SGCD: variants seen among roughly 807,000 people sequenced by gnomAD.
SGCD encodes the protein delta-sarcoglycan.
Under a neutral mutation model 36.6 loss-of-function variants are expected in SGCD, and 18 were observed. That is an observed-to-expected ratio of 0.49 (90% CI 0.34 to 0.73). SGCD has a LOEUF of 0.73. Ranked by LOEUF, SGCD falls within the 30% of genes least tolerant of loss-of-function variation. The pLI is 0.01. For missense variants in SGCD, 387 were observed against 346.7 expected (o/e 1.12, Z -0.92); for synonymous variants, 133 against 130.6 (o/e 1.02, Z -0.12).
At chr5:156,520,654 C>T (rs556193160) in intron 4 of SGCD, among the ~76,000 whole-genome samples, 1 of 152,242 alleles carries the variant, frequency 6.6e-6, no homozygotes, top group South Asian at 2.1e-4. Flanking sequence ...AGGCTACACT[C>T]ACCAAAACAG....
intron 1 of SGCD, among the ~76,000 whole-genome samples, chr5:155,947,293 T>G (rs1021733021): frequency 2.9e-5 from 4 of 138,910 alleles, no homozygotes; most frequent in Non-Finnish European, 6.2e-5. Flanking sequence ...ATAAATACTC[T>G]TGTGTGTGTG....
chr5:156,433,383 G>A (rs937846309), intron 3 of SGCD, among the ~76,000 whole-genome samples: 1 of 152,032 alleles, frequency 6.6e-6, no homozygotes, highest in Admixed American at 6.6e-5. Context: ...CCATTCTAAC[G>A]GTGATCCAGA....
At chr5:156,647,272 T>C (rs1763263279) in intron 6 of SGCD, among the ~76,000 whole-genome samples, 192 bp from the exon 7 acceptor site, 1 of 152,172 alleles carries the variant, frequency 6.6e-6, no homozygotes, top group Non-Finnish European at 1.5e-5. Context: ...AGAAGTTCCT[T>C]GTTTTTCAAA....
chr5:156,699,924 T>C (rs1754464220), intron 7 of SGCD, among the ~76,000 whole-genome samples: 1 of 152,206 alleles, frequency 6.6e-6, no homozygotes, highest in Non-Finnish European at 1.5e-5. Flanking sequence ...AAAAGTGGCA[T>C]TTAAGAGAAG....
At chr5:155,987,662 A>G (rs1758357005) in intron 1 of SGCD, among the ~76,000 whole-genome samples, 1 of 152,134 alleles carries the variant, frequency 6.6e-6, no homozygotes, top group Admixed American at 6.5e-5. Flanking sequence ...GCCAGTTCTC[A>G]CAGAAGCTTT....
chr5:156,611,065 A>C (rs766454368), intron 6 of SGCD, among the ~76,000 whole-genome samples: 1 of 152,202 alleles, frequency 6.6e-6, no homozygotes, highest in African/African-American at 2.4e-5. Flanking sequence ...CCAGTGTCCA[A>C]CAGTCCCCAG....
intron 3 of SGCD, among the ~76,000 whole-genome samples, chr5:156,195,601 T>G (rs1006277004): frequency 1.3e-5 from 2 of 152,128 alleles, no homozygotes; most frequent in African/African-American, 4.8e-5. Context: ...ATGTACATGC[T>G]TTTTGATTTT....
chr5:156,425,928 T>G (rs992439901), intron 3 of SGCD, among the ~76,000 whole-genome samples: 4 of 152,088 alleles, frequency 2.6e-5, no homozygotes, highest in African/African-American at 7.2e-5. Flanking sequence ...CCACAGTACA[T>G]ATATACCAAA....
chr5:156,459,552 G>A (rs1427927508), intron 3 of SGCD, among the ~76,000 whole-genome samples: 1 of 152,134 alleles, frequency 6.6e-6, no homozygotes, highest in African/African-American at 2.4e-5. Flanking sequence ...AGGAAGAAAT[G>A]AAGAGCCCTT....
intron 1 of SGCD, among the ~76,000 whole-genome samples, chr5:156,113,835 A>T (rs1224169928): frequency 6.6e-6 from 1 of 152,188 alleles, no homozygotes; most frequent in Non-Finnish European, 1.5e-5. Context: ...TGTGCTAAGA[A>T]GAAATTTTTA....
At chr5:155,867,002 T>C (rs1295112520), upstream of SGCD, among the ~76,000 whole-genome samples, 1 of 152,028 alleles carries the variant, frequency 6.6e-6, no homozygotes, top group Admixed American at 6.6e-5. Context: ...GGCAAATAAA[T>C]AAAGAAAAGA....
At chr5:155,865,451 A>G (rs1755505257), upstream of SGCD, among the ~76,000 whole-genome samples, 1 of 152,160 alleles carries the variant, frequency 6.6e-6, no homozygotes, top group Non-Finnish European at 1.5e-5. Flanking sequence ...TGGAAAGGGA[A>G]TGGGCATTTT....
Position 156,122,843 on chromosome 5 carries a change from TAAAAAAAA to T in SGCD, c.-207-979_-207-972del, listed in dbSNP as rs33983852. 9.8e-3 allele frequency among the ~76,000 whole-genome samples: 527 copies of T among 53,852 alleles called. 1 individual carries two copies. Among genetic ancestry groups the T allele is most frequent in the East Asian group, 0.029 (16 of 546 alleles). The allele number at this position is 53,852 out of a possible 152,430, so 35.3% of individuals were successfully genotyped here. On this transcript the variant is annotated intron_variant, in intron 2 of 9. Transcript: ENST00000517913. ...ACCAGCATGGTAGTAAAAGATGTGG[TAAAAAAAA>T]AAAAAAAAAAAAAAAAAAAAAAAAA...
chr5:155,901,355 C>T (rs1756386164), intron 1 of SGCD, among the ~76,000 whole-genome samples: 1 of 151,592 alleles, frequency 6.6e-6, no homozygotes, highest in African/African-American at 2.4e-5. Flanking sequence ...TGAGTTGATT[C>T]TAAATAGCCA....
At chr5:155,933,172 G>A (rs764814752) in intron 1 of SGCD, among the ~76,000 whole-genome samples, 8 of 152,128 alleles carry the variant, frequency 5.3e-5, no homozygotes, top group African/African-American at 7.2e-5. Flanking sequence ...TTCTCTAGCC[G>A]TAGGGGTCTT....
intron 3 of SGCD, among the ~76,000 whole-genome samples, chr5:156,427,122 A>T (rs980918913): frequency 4.6e-5 from 7 of 152,118 alleles, no homozygotes; most frequent in Non-Finnish European, 7.4e-5. Context: ...GAATCAGTAG[A>T]TTCCTTTGGG....
chr5:156,302,373 T>A (rs1581230035), intron 3 of SGCD, among the ~76,000 whole-genome samples: 1 of 152,056 alleles, frequency 6.6e-6, no homozygotes, highest in Non-Finnish European at 1.5e-5. Flanking sequence ...AAAATTATTT[T>A]AATCTCTCTC....
At position 156,764,004 on chromosome 5, in the gene SGCD, T is replaced by A. The variant is rs1757542265; in HGVS notation, c.*4614T>A. The A allele has an allele frequency of 6.6e-6, 1 of 152,154 alleles. No individual in the cohort carries two copies. The highest frequency in any genetic ancestry group is 2.4e-5 in the African/African-American group (1 of 41,436). The allele number at this position is 152,154 out of a possible 1,614,324, so 9.4% of individuals were successfully genotyped here. A position where few individuals can be genotyped will look rare whatever the true frequency, so the allele number is the denominator to read the frequency against. On this transcript the variant is annotated 3_prime_UTR_variant, in exon 9 of 9. Transcript: ENST00000337851. ...CTGATACTGATTTTTCAAGGCTCTA[T>A]GAAAGGTCAAAAATTTCATTAAACA...
intron 7 of SGCD, among the ~76,000 whole-genome samples, chr5:156,681,724 C>T (rs889941942): frequency 1.3e-5 from 2 of 152,118 alleles, no homozygotes; most frequent in Admixed American, 1.3e-4. Context: ...TGGATTTCAA[C>T]CTATAGATGA....
Sources: gnomAD v4.1 joint callset for allele counts (sites outside exome capture counted in the v4.1 genomes callset) on GRCh38, gnomAD v4.1.1 for gene constraint, MANE v1.5 for transcripts, NCBI Gene and HGNC (gene_info 2026-07-23, HGNC 2026-07-21) for gene names.